The following NXPH1 variants were observed in gnomAD, a reference collection of about 807,000 sequenced individuals.
NXPH1 encodes the protein neurexophilin-1.
In NXPH1, 5 loss-of-function variants were observed where a neutral mutation model predicts 23.7. The ratio of observed to expected loss-of-function variants is 0.21; its 90% CI spans 0.11 to 0.44. The LOEUF is 0.44. NXPH1 is among the 20% of genes least tolerant of loss of function. The probability of loss-of-function intolerance (pLI) is 0.99; values close to 1 mark genes in which losing one functional copy is unlikely to be tolerated. For missense variants in NXPH1, 324 were observed against 321.6 expected, an observed-to-expected ratio of 1.01 and a Z score of -0.06; for synonymous variants, 144 against 122.2, an observed-to-expected ratio of 1.18 and a Z score of -1.18.
chr7:8,523,240 T>C (rs926045420), intron 2 of NXPH1, among the ~76,000 whole-genome samples: 6 of 152,204 alleles, frequency 3.9e-5, no homozygotes, highest in Non-Finnish European at 7.3e-5. Context: ...AGAGAGCCTA[T>C]TGTTACCTTT....
At chr7:8,457,602 G>A (rs1816620468) in intron 2 of NXPH1, among the ~76,000 whole-genome samples, 1 of 149,940 alleles carries the variant, frequency 6.7e-6, no homozygotes, top group Admixed American at 6.6e-5. Context: ...AGGCAGGTAA[G>A]ACAACTTCAT....
At chr7:8,544,047 T>G (rs767239484) in intron 2 of NXPH1, among the ~76,000 whole-genome samples, 7 of 151,612 alleles carry the variant, frequency 4.6e-5, no homozygotes, top group Admixed American at 2.0e-4. Flanking sequence ...AATCCAACTC[T>G]CCAGGCTCCC....
chr7:8,474,354 T>C (rs1416320551), intron 2 of NXPH1, among the ~76,000 whole-genome samples: 1 of 152,176 alleles, frequency 6.6e-6, no homozygotes, highest in African/African-American at 2.4e-5. Context: ...TTCTTGTTTT[T>C]ATTAATAACT....
intron 2 of NXPH1, among the ~76,000 whole-genome samples, chr7:8,710,870 G>A (rs1263185483): frequency 8.6e-6 from 1 of 115,914 alleles, no homozygotes; most frequent in African/African-American, 4.8e-5. Flanking sequence ...CACCGTGTTA[G>A]CCAGGATGGT....
chr7:8,676,266 A>G (rs778383010), intron 2 of NXPH1, among the ~76,000 whole-genome samples: 1 of 152,178 alleles, frequency 6.6e-6, no homozygotes, highest in Admixed American at 6.6e-5. Context: ...TAACTAGTTT[A>G]AAAACAGTGT....
intron 2 of NXPH1, among the ~76,000 whole-genome samples, chr7:8,601,802 C>T (rs969971666): frequency 2.6e-5 from 4 of 152,164 alleles, no homozygotes. Flanking sequence ...CTTCCTGTAA[C>T]TCAGAGCCAC....
intron 2 of NXPH1, among the ~76,000 whole-genome samples, chr7:8,522,825 T>C (rs983263649): frequency 9.2e-5 from 14 of 152,162 alleles, no homozygotes; most frequent in Admixed American, 7.9e-4. Flanking sequence ...ACAGTGATTA[T>C]ATTATGATCT....
chr7:8,460,820 G>A (rs1229176632), intron 2 of NXPH1, among the ~76,000 whole-genome samples: 1 of 152,158 alleles, frequency 6.6e-6, no homozygotes, highest in Non-Finnish European at 1.5e-5. Flanking sequence ...TTCAACAACA[G>A]TCAAACATCT....
chr7:8,691,885 T>G (rs1006500278), intron 2 of NXPH1, among the ~76,000 whole-genome samples: 1 of 152,176 alleles, frequency 6.6e-6, no homozygotes, highest in Non-Finnish European at 1.5e-5. Flanking sequence ...AATGCTGTTA[T>G]GGAGTCACAG....
chr7:8,635,703 T>C (rs564571844), intron 2 of NXPH1, among the ~76,000 whole-genome samples: 1 of 152,330 alleles, frequency 6.6e-6, no homozygotes, highest in East Asian at 1.9e-4. Context: ...CAACCCCCTA[T>C]AGAAATCGTA....
At chr7:8,483,379 G>T (rs1193536762) in intron 2 of NXPH1, among the ~76,000 whole-genome samples, 1 of 152,030 alleles carries the variant, frequency 6.6e-6, no homozygotes, top group Non-Finnish European at 1.5e-5. Flanking sequence ...CACTCCGGCT[G>T]GAGTAGAGTG....
chr7:8,740,386 A>G (rs997121168), intron 2 of NXPH1, among the ~76,000 whole-genome samples: 2 of 152,178 alleles, frequency 1.3e-5, no homozygotes, highest in African/African-American at 4.8e-5. Flanking sequence ...TCCCCATGAC[A>G]TGCACTACAT....
intron 2 of NXPH1, among the ~76,000 whole-genome samples, chr7:8,521,344 T>C (rs1211830564): frequency 6.6e-6 from 1 of 152,162 alleles, no homozygotes; most frequent in East Asian, 1.9e-4. Context: ...TTTCCTATTC[T>C]CTTGGAACAT....
chr7:8,487,454 A>G (rs1817177340), intron 2 of NXPH1, among the ~76,000 whole-genome samples: 1 of 152,078 alleles, frequency 6.6e-6, no homozygotes, highest in Admixed American at 6.6e-5. Context: ...CTCTCCAGTG[A>G]TGTGGAACTG....
chr7:8,514,760 T>C (rs769520072), intron 2 of NXPH1, among the ~76,000 whole-genome samples: 1 of 152,232 alleles, frequency 6.6e-6, no homozygotes. Flanking sequence ...TTGCATGCTA[T>C]TCTTTTTCAC....
chr7:8,701,906 T>C (rs2115190148), intron 2 of NXPH1, among the ~76,000 whole-genome samples: 1 of 152,208 alleles, frequency 6.6e-6, no homozygotes, highest in South Asian at 2.1e-4. Context: ...TCTAAAAGTC[T>C]CTGATAAGCA....
intron 2 of NXPH1, among the ~76,000 whole-genome samples, chr7:8,470,310 A>G (rs1235948878): frequency 1.3e-5 from 2 of 152,172 alleles, no homozygotes; most frequent in Non-Finnish European, 2.9e-5. Context: ...AGTGATGTTA[A>G]TACATGTCAA....
intron 2 of NXPH1, among the ~76,000 whole-genome samples, chr7:8,565,238 A>T (rs755226290): frequency 7.7e-4 from 117 of 151,924 alleles, no homozygotes; most frequent in Non-Finnish European, 1.4e-3. Context: ...AAACATCAAA[A>T]TGTGATTTTG....
chr7:8,713,270 A>C (rs540074332), intron 2 of NXPH1, among the ~76,000 whole-genome samples: 37 of 151,912 alleles, frequency 2.4e-4, no homozygotes, highest in Non-Finnish European at 4.7e-4. Flanking sequence ...TGCACTTTCA[A>C]CTCCAGAATT....
Sources: allele counts gnomAD v4.1 joint callset (sites outside exome capture counted in the v4.1 genomes callset), GRCh38; gene constraint gnomAD v4.1.1; transcripts MANE v1.5; gene names NCBI Gene and HGNC (gene_info 2026-07-23, HGNC 2026-07-21).